Variants in ZNF469 observed in about 807,000 individuals in gnomAD.
ZNF469 encodes the protein zinc finger protein 469.
ZNF469 carries 1 observed loss-of-function variant against 1.0 expected under a neutral mutation model. The observed-to-expected ratio is 1.00, with a 90% CI of 0.35 to 4.73. The LOEUF (loss-of-function observed/expected upper bound fraction) is 4.73, where lower values mean the gene tolerates loss of function less well. ZNF469 is among the 30% of genes most tolerant of loss of function. ZNF469 has a pLI of 0.16. For synonymous variants in ZNF469, 2,703 were observed against 2,363.4 expected, an observed-to-expected ratio of 1.14 and a Z score of -4.17; for missense variants, 6,100 against 5,356.3, an observed-to-expected ratio of 1.14 and a Z score of -4.33.
At chr16:88,179,675 T>C in the ZNF469 span, among the ~76,000 whole-genome samples, 1 of 152,214 alleles carries the variant, frequency 6.6e-6, no homozygotes, top group East Asian at 1.9e-4. Flanking sequence ...GTGATTCCCA[T>C]ACAGAGTTTG....
At chr16:88,244,627 G>A in the ZNF469 span, among the ~76,000 whole-genome samples, 1 of 151,150 alleles carries the variant, frequency 6.6e-6, no homozygotes, top group East Asian at 1.9e-4. Flanking sequence ...ATGTATAAGT[G>A]AAAGGATGGG....
chr16:88,359,886 A>C, the ZNF469 span, among the ~76,000 whole-genome samples: 1 of 152,216 alleles, frequency 6.6e-6, no homozygotes, highest in Non-Finnish European at 1.5e-5. Flanking sequence ...CCATCTTTCT[A>C]TCTATCAGTT....
the ZNF469 span, among the ~76,000 whole-genome samples, chr16:88,140,753 G>A: frequency 3.1e-4 from 47 of 152,248 alleles, no homozygotes; most frequent in Non-Finnish European, 4.6e-4. Context: ...CCAACATGGC[G>A]AAACCCCACC....
chr16:88,180,963 A>G, the ZNF469 span, among the ~76,000 whole-genome samples: 1 of 152,242 alleles, frequency 6.6e-6, no homozygotes, highest in African/African-American at 2.4e-5. Flanking sequence ...AAGCTATAGA[A>G]GAAGTAGACA....
chr16:88,278,897 G>C, the ZNF469 span, among the ~76,000 whole-genome samples: 1 of 148,986 alleles, frequency 6.7e-6, no homozygotes, highest in African/African-American at 2.4e-5. Context: ...GTACCGTGTA[G>C]ATATCAGTGC....
At position 88,438,457 on chromosome 16, in the gene ZNF469, G is replaced by A; in HGVS notation, c.10987G>A (p.Gly3663Ser). The A allele has an allele frequency of 6.5e-7, 1 of 1,550,186 alleles. No individual in the cohort carries two copies. The highest frequency in any genetic ancestry group is 8.7e-7 in the Non-Finnish European group (1 of 1,146,980). The change falls in exon 3 of 3, where the codon GGC becomes AGC. Residue 3663 changes from glycine (G) to serine (S), a missense_variant. Coordinates refer to ENST00000565624, the MANE Select transcript of ZNF469 (RefSeq NM_001367624.2). ...CATGGTGTCTGAGGGGGGGCCCCGA[G>A]GCGCCTTCCACAAGGGCAGCGCCAC... ...SHMVSEGGPRGAFHKGSATKP... is the reference protein window; with the variant it reads ...SHMVSEGGPRSAFHKGSATKP...
the ZNF469 span, among the ~76,000 whole-genome samples, chr16:88,282,515 T>G: frequency 6.6e-6 from 1 of 152,154 alleles, no homozygotes; most frequent in Non-Finnish European, 1.5e-5. Flanking sequence ...ATCCTTCAGA[T>G]GCTCACCTTG....
the ZNF469 span, among the ~76,000 whole-genome samples, chr16:88,210,006 A>G: frequency 6.6e-6 from 1 of 152,264 alleles, no homozygotes. Flanking sequence ...TATTCCCACC[A>G]GCAAAGTAAG....
At position 88,429,992 on chromosome 16, in the gene ZNF469, A is replaced by G. The variant is rs1906020455; in HGVS notation, c.2522A>G (p.Asp841Gly). 1.3e-6 allele frequency: 2 copies of G among 1,550,234 alleles called. No individual in the cohort carries two copies. The highest frequency in any genetic ancestry group is 1.7e-6 in the Non-Finnish European group (2 of 1,146,970). Residue 841 changes from aspartate (D) to glycine (G), a missense_variant, in exon 3 of 3, where the codon GAC (aspartate) becomes GGC (glycine). By Grantham distance (94) the Asp-to-Gly change is moderately conservative. Transcript: ENST00000565624. ...DLDMEDDAKLDSLITEALNGM... is the reference protein window; with the variant it reads ...DLDMEDDAKLGSLITEALNGM... ...GACATGGAGGATGACGCCAAGCTGG[A>G]CAGCCTCATCACAGAGGCGCTCAAC...
chr16:88,392,275 G>A (rs1301439652), intron 1 of ZNF469, among the ~76,000 whole-genome samples: 1 of 152,258 alleles, frequency 6.6e-6, no homozygotes, highest in African/African-American at 2.4e-5. Flanking sequence ...CCGTGGCCAC[G>A]TATGCCCGCA....
chr16:88,399,362 A>G (rs1398434381), intron 1 of ZNF469, among the ~76,000 whole-genome samples: 4 of 152,194 alleles, frequency 2.6e-5, no homozygotes, highest in Non-Finnish European at 5.9e-5. Flanking sequence ...ATGGGACACA[A>G]TGCAGAGACT....
the ZNF469 span, among the ~76,000 whole-genome samples, chr16:88,231,369 A>G: frequency 1.3e-5 from 2 of 152,210 alleles, no homozygotes; most frequent in Non-Finnish European, 1.5e-5. The surrounding 1 kb of genome is among the most constrained non-coding windows in gnomAD (Gnocchi z 4.5). Context: ...CTAAGCCTGA[A>G]GGCTGGGGTG....
intron 1 of ZNF469, among the ~76,000 whole-genome samples, chr16:88,401,700 TGGA>T (rs1904871780): frequency 7.6e-6 from 1 of 132,152 alleles, no homozygotes. Flanking sequence ...GATGGATGGA[TGGA>T]TATATGGGTA....
chr16:88,226,238 C>T, the ZNF469 span, among the ~76,000 whole-genome samples: 25 of 152,274 alleles, frequency 1.6e-4, no homozygotes, highest in African/African-American at 5.8e-4. Flanking sequence ...CATGTTAAGG[C>T]TTCACCCCCA....
chr16:88,264,591 CT>C, the ZNF469 span, among the ~76,000 whole-genome samples: 1 of 151,518 alleles, frequency 6.6e-6, no homozygotes, highest in Admixed American at 6.6e-5. Context: ...CTCCTCCCCC[CT>C]CATCCCAGCC....
chr16:88,185,934 G>A, the ZNF469 span, among the ~76,000 whole-genome samples: 2 of 151,162 alleles, frequency 1.3e-5, no homozygotes, highest in African/African-American at 4.9e-5. Flanking sequence ...TCTCACACAT[G>A]TGAATATAGT....
At chr16:88,301,007 G>A in the ZNF469 span, among the ~76,000 whole-genome samples, 2 of 152,074 alleles carry the variant, frequency 1.3e-5, no homozygotes, top group African/African-American at 4.8e-5. Flanking sequence ...AGAGGTTGCA[G>A]TGAGCTGAAA....
chr16:88,252,650 A>G, the ZNF469 span, among the ~76,000 whole-genome samples: 14 of 152,238 alleles, frequency 9.2e-5, no homozygotes, highest in Non-Finnish European at 1.8e-4. Context: ...GTATGTTGAT[A>G]TCTATAGAGA....
the ZNF469 span, among the ~76,000 whole-genome samples, chr16:88,162,269 C>A: frequency 6.8e-6 from 1 of 146,184 alleles, no homozygotes; most frequent in African/African-American, 2.5e-5. Flanking sequence ...AAGCTGTCAA[C>A]AATTTTTAAT....
Sources: allele counts gnomAD v4.1 joint callset (sites outside exome capture counted in the v4.1 genomes callset), GRCh38; gene constraint gnomAD v4.1.1; non-coding constraint Gnocchi (gnomAD v3.1); transcripts MANE v1.5; gene names NCBI Gene and HGNC (gene_info 2026-07-23, HGNC 2026-07-21).